The following ERBB4 variants were observed in gnomAD, a reference collection of about 807,000 sequenced individuals.
The protein encoded by ERBB4 is erb-b2 receptor tyrosine kinase 4.
A neutral mutation model predicts 158.0 loss-of-function variants in ERBB4; 42 were observed. The observed-to-expected ratio is 0.27, with a 90% CI of 0.21 to 0.34. The LOEUF is 0.34. Among genes scored for constraint, ERBB4 ranks in the 10% least tolerant of loss-of-function variants. The pLI is 1.00. For missense variants in ERBB4, 1,333 were observed against 1,624.1 expected (o/e 0.82, Z 3.08); for synonymous variants, 583 against 558.7 (o/e 1.04, Z -0.61).
intron 1 of ERBB4, among the ~76,000 whole-genome samples, chr2:212,170,878 G>A (rs750091351): frequency 1.3e-5 from 2 of 152,236 alleles, no homozygotes; most frequent in Admixed American, 1.3e-4. Context: ...ACCTCTGCTA[G>A]GGCAGTGTGA....
rs1198030186 is a variant in ERBB4 at position 211,660,603 on chromosome 2, GGTAGAAATGTTTATCAGCA to G, written c.1872-2794_1872-2776del. 2.6e-5 allele frequency among the ~76,000 whole-genome samples: 4 copies of G among 152,276 alleles called. No homozygotes were observed. The East Asian group carries it at 7.7e-4, about 29-fold the overall frequency. On this transcript the variant is annotated intron_variant, in intron 15 of 27. Coordinates refer to ENST00000342788, the MANE Select transcript of ERBB4 (RefSeq NM_005235.3). ...ATTTAGTATGGCTGTCCTACATCTAGGTAGAAATGTTTATCAGCAGTTGGAAAGATGAGTGGTTAACGGG... is the reference window on the plus strand; with the variant it reads ...ATTTAGTATGGCTGTCCTACATCTAGGTTGGAAAGATGAGTGGTTAACGGG...
In ERBB4 at chr2:211,383,971, C is replaced by T. The variant is rs2062629514; in HGVS notation, c.3571G>A (p.Ala1191Thr). ...TCGGCCTTGGGTGGACCATTGGATG[C>T]ATTGTGATATTCGGGATTATCCAAT... is the stretch of plus-strand genomic sequence containing the variant. ...QALDNPEYHN[A>T]SNGPPKAEDE... Residue 1191 changes from alanine to threonine, a missense_variant, in exon 28 of 28, where the codon GCA becomes ACA. Physicochemically the swap from Ala to Thr is moderately conservative, Grantham distance 58. Coordinates refer to ENST00000342788, the MANE Select transcript of ERBB4 (RefSeq NM_005235.3). The T allele has an allele frequency of 1.1e-5, 17 of 1,613,784 alleles. No individual in the cohort carries two copies. Among genetic ancestry groups the T allele is most frequent in the Non-Finnish European group, 1.4e-5 (17 of 1,179,890 alleles).
intron 3 of ERBB4, among the ~76,000 whole-genome samples, chr2:211,889,583 A>C (rs2078908891): frequency 6.6e-6 from 1 of 151,726 alleles, no homozygotes; most frequent in African/African-American, 2.4e-5. Context: ...TGAGAGAAGA[A>C]GGCTTCAGAC....
At chr2:212,391,751 A>AAT (rs2090877461) in intron 1 of ERBB4, among the ~76,000 whole-genome samples, 1 of 142,158 alleles carries the variant, frequency 7.0e-6, no homozygotes, top group Non-Finnish European at 1.5e-5. Context: ...TATTATATAT[A>AAT]ATATTGACAT....
intron 2 of ERBB4, among the ~76,000 whole-genome samples, chr2:211,961,409 T>A (rs2081176640): frequency 6.6e-6 from 1 of 152,184 alleles, no homozygotes; most frequent in African/African-American, 2.4e-5. Flanking sequence ...TGATACAGTA[T>A]CGACCTGTTT....
chr2:212,272,711 A>G (rs2085387898), intron 1 of ERBB4, among the ~76,000 whole-genome samples: 1 of 151,834 alleles, frequency 6.6e-6, no homozygotes, highest in Non-Finnish European at 1.5e-5. Context: ...ATTTGATTCA[A>G]TAATCCATAA....
intron 1 of ERBB4, among the ~76,000 whole-genome samples, chr2:212,289,307 C>G (rs1234060812): frequency 6.6e-6 from 1 of 152,118 alleles, no homozygotes; most frequent in African/African-American, 2.4e-5. Context: ...AAGCAGAGAA[C>G]TCCTGGATTC....
intron 1 of ERBB4, among the ~76,000 whole-genome samples, chr2:212,498,406 G>A (rs16848719): frequency 0.016 from 2,398 of 152,110 alleles, 61 homozygotes; most frequent in African/African-American, 0.054. Context: ...ATTAGAATAT[G>A]CTTTAGCCAA....
chr2:212,280,644 T>G (rs942664003), intron 1 of ERBB4, among the ~76,000 whole-genome samples: 5 of 151,658 alleles, frequency 3.3e-5, no homozygotes, highest in African/African-American at 1.2e-4. Flanking sequence ...TAGGCAACAT[T>G]TTTTATCAGG....
At chr2:212,473,197 A>G (rs1409731078) in intron 1 of ERBB4, among the ~76,000 whole-genome samples, 1 of 152,014 alleles carries the variant, frequency 6.6e-6, no homozygotes, top group Non-Finnish European at 1.5e-5. Context: ...ATGGTTTATT[A>G]TTATTCTGTA....
chr2:211,742,700 A>G (rs2074836880), intron 5 of ERBB4, among the ~76,000 whole-genome samples: 1 of 152,072 alleles, frequency 6.6e-6, no homozygotes, highest in Non-Finnish European at 1.5e-5. Flanking sequence ...AAAATGCTAA[A>G]TAATTTCTAA....
At chr2:211,469,045 G>A (rs1291088058) in intron 20 of ERBB4, among the ~76,000 whole-genome samples, 2 of 152,038 alleles carry the variant, frequency 1.3e-5, no homozygotes, top group South Asian at 2.1e-4. Flanking sequence ...GCGTGCAGAA[G>A]TCTGGAATGG....
chr2:211,685,351 T>C (rs1412627589), intron 12 of ERBB4, among the ~76,000 whole-genome samples: 1 of 152,206 alleles, frequency 6.6e-6, no homozygotes, highest in Admixed American at 6.5e-5. Context: ...GCTCTATAGA[T>C]GTTCATTTGC....
At chr2:212,517,785 C>T (rs924037881) in intron 1 of ERBB4, among the ~76,000 whole-genome samples, 1 of 152,062 alleles carries the variant, frequency 6.6e-6, no homozygotes, top group Non-Finnish European at 1.5e-5. Flanking sequence ...CATTATCTCA[C>T]TTACTTGGGT....
chr2:211,658,571 C>A (rs2071306340), intron 15 of ERBB4, among the ~76,000 whole-genome samples: 1 of 152,122 alleles, frequency 6.6e-6, no homozygotes, highest in South Asian at 2.1e-4. Context: ...TTATCTTAAA[C>A]ATGAATTTAT....
chr2:211,811,700 G>T lies in ERBB4; in HGVS notation c.422-23541C>A, dbSNP rs566667968. ...TCACATAGTCCCATATTTCTCAGAG[G>T]CTTTGTTCGTTTCTTTTTACTCTTT... On this transcript the variant is annotated intron_variant, in intron 3 of 27. Coordinates refer to ENST00000342788, the MANE Select transcript of ERBB4 (RefSeq NM_005235.3). Among the ~76,000 whole-genome samples, 73 of 152,038 alleles carry T rather than the reference G, an allele frequency of 4.8e-4. 2 individuals carry two copies. The highest frequency in any genetic ancestry group is 1.7e-3 in the African/African-American group (70 of 41,456).
intron 13 of ERBB4, among the ~76,000 whole-genome samples, chr2:211,677,627 C>CA (rs1404435451): frequency 6.6e-6 from 1 of 150,836 alleles, no homozygotes; most frequent in East Asian, 1.9e-4. Context: ...GTAATCCCAG[C>CA]ACTTTGGGAG....
intron 3 of ERBB4, among the ~76,000 whole-genome samples, chr2:211,939,006 T>A (rs960680489): frequency 1.3e-5 from 2 of 152,328 alleles, no homozygotes; most frequent in East Asian, 3.9e-4. Context: ...AATAGATTTT[T>A]AAAAAATCAA....
chr2:212,478,277 C>T (rs903081005), intron 1 of ERBB4, among the ~76,000 whole-genome samples: 3 of 152,076 alleles, frequency 2.0e-5, no homozygotes, highest in Admixed American at 6.6e-5. Context: ...TTTTCTGGTA[C>T]CAGTCTGTCC....
Sources: allele counts gnomAD v4.1 joint callset (sites outside exome capture counted in the v4.1 genomes callset), GRCh38; gene constraint gnomAD v4.1.1; transcripts MANE v1.5; gene names NCBI Gene and HGNC (gene_info 2026-07-23, HGNC 2026-07-21).